Variants in CMPK1 observed in about 807,000 individuals in gnomAD.
The protein encoded by CMPK1 is UMP-CMP kinase.
A neutral mutation model predicts 25.7 loss-of-function variants in CMPK1; 10 were observed. That is an observed-to-expected ratio of 0.39 (90% CI 0.24 to 0.66). The LOEUF (loss-of-function observed/expected upper bound fraction) is 0.66. Ranked by LOEUF, CMPK1 falls within the 30% of genes least tolerant of loss-of-function variation. The probability of loss-of-function intolerance (pLI) is 0.48; values close to 1 mark genes in which losing one functional copy is unlikely to be tolerated. For synonymous variants in CMPK1, 106 were observed against 101.5 expected (o/e 1.04, Z -0.27); for missense variants, 199 against 280.5 (o/e 0.71, Z 2.08).
At chr1:47,376,674 T>A in intron 5 of CMPK1, 30 bp from the exon 6 acceptor site, 1 of 1,484,654 alleles carries the variant, frequency 6.7e-7, no homozygotes. Flanking sequence ...TACCTGCTTT[T>A]AAAATTATTA....
chr1:47,338,541 CTCCCTCCCTCTCTCCT>C (rs1646416881), intron 1 of CMPK1, among the ~76,000 whole-genome samples: 6 of 132,386 alleles, frequency 4.5e-5, no homozygotes, highest in Non-Finnish European at 8.1e-5. Flanking sequence ...CTCTCCTTCC[CTCCCTCCCTCTCTCCT>C]TCCCTCCCTC....
chr1:47,343,153 A>G (rs1646454337), intron 1 of CMPK1, among the ~76,000 whole-genome samples: 1 of 150,520 alleles, frequency 6.6e-6, no homozygotes, highest in South Asian at 2.1e-4. Flanking sequence ...CACCCAGTTA[A>G]TTTTTGTATT....
In CMPK1 at chr1:47,360,903, C is replaced by T. The variant is rs74851906; in HGVS notation, c.172-7566C>T. ...AGAGTCCCTGGCATAGATTGTGCTC[C>T]ATCTTTGAGGAGGAGATGGGCAGGT... On this transcript the variant is annotated intron_variant, in intron 1 of 5. Coordinates refer to ENST00000371873, the MANE Select transcript of CMPK1 (RefSeq NM_016308.3). Among the ~76,000 whole-genome samples, 1,113 of 152,192 alleles carry T rather than the reference C, an allele frequency of 7.3e-3. 4 individuals carry two copies. Among genetic ancestry groups the T allele is most frequent in the East Asian group, 0.031 (158 of 5,178 alleles).
intron 3 of CMPK1, among the ~76,000 whole-genome samples, chr1:47,374,331 G>A (rs1459080050): frequency 2.0e-5 from 3 of 152,144 alleles, no homozygotes; most frequent in Non-Finnish European, 4.4e-5. Flanking sequence ...TGTTGGAATT[G>A]CAGGCCTGAG....
At chr1:47,335,490 A>C (rs1203262192) in intron 1 of CMPK1, among the ~76,000 whole-genome samples, 1 of 151,954 alleles carries the variant, frequency 6.6e-6, no homozygotes, top group African/African-American at 2.4e-5. Flanking sequence ...TACAAAAATT[A>C]GCCTGGCGTG....
chr1:47,369,028 G>A (rs1183643919), intron 2 of CMPK1, among the ~76,000 whole-genome samples: 2 of 152,088 alleles, frequency 1.3e-5, no homozygotes, highest in Non-Finnish European at 2.9e-5. Context: ...TTTGTTTTGA[G>A]ACAGTGTCTT....
At chr1:47,346,048 T>C (rs1373538589) in intron 1 of CMPK1, among the ~76,000 whole-genome samples, 1 of 151,098 alleles carries the variant, frequency 6.6e-6, no homozygotes, top group Non-Finnish European at 1.5e-5. Context: ...CTGGCCTTTT[T>C]TTTGTTTTGT....
chr1:47,335,728 AT>A (rs1221803943), intron 1 of CMPK1, among the ~76,000 whole-genome samples: 8 of 150,698 alleles, frequency 5.3e-5, no homozygotes, highest in Non-Finnish European at 8.9e-5. Flanking sequence ...TCTTAAAAAA[AT>A]TTTTTTTTGT....
chr1:47,342,328 C>T (rs929060202), intron 1 of CMPK1, among the ~76,000 whole-genome samples: 8 of 151,362 alleles, frequency 5.3e-5, no homozygotes, highest in South Asian at 2.1e-4. Context: ...GTGATCTGCC[C>T]GCCTCGGCCT....
chr1:47,349,713 GAA>G (rs1343049110), intron 1 of CMPK1, among the ~76,000 whole-genome samples: 2 of 152,140 alleles, frequency 1.3e-5, no homozygotes, highest in Admixed American at 1.3e-4. Context: ...AAAATTTTAA[GAA>G]ATGTGCTATT....
chr1:47,340,879 C>T (rs552046280), intron 1 of CMPK1, among the ~76,000 whole-genome samples: 11 of 152,198 alleles, frequency 7.2e-5, no homozygotes, highest in Non-Finnish European at 1.0e-4. Flanking sequence ...TCAGGTGATC[C>T]GCCCGCCTCA....
chr1:47,360,208 G>A (rs2149331190), intron 1 of CMPK1, among the ~76,000 whole-genome samples: 1 of 152,236 alleles, frequency 6.6e-6, no homozygotes, highest in African/African-American at 2.4e-5. Flanking sequence ...TCTAAGCCTG[G>A]TCTCCATCTT....
intron 1 of CMPK1, among the ~76,000 whole-genome samples, chr1:47,350,243 G>A (rs1195891393): frequency 6.7e-6 from 1 of 149,804 alleles, no homozygotes; most frequent in Non-Finnish European, 1.5e-5. Flanking sequence ...TCCACCTACT[G>A]TTTTTTTTTC....
chr1:47,340,799 G>A (rs1018577688), intron 1 of CMPK1, among the ~76,000 whole-genome samples: 10 of 152,036 alleles, frequency 6.6e-5, no homozygotes, highest in Non-Finnish European at 1.2e-4. Context: ...CACCATGCCC[G>A]GCTAATTTTG....
At chr1:47,362,546 G>A (rs895552279) in intron 1 of CMPK1, among the ~76,000 whole-genome samples, 4 of 151,352 alleles carry the variant, frequency 2.6e-5, no homozygotes, top group Non-Finnish European at 4.4e-5. Context: ...TCCGCCTCCC[G>A]GGTTCAAGCA....
chr1:47,370,144 C>G (rs1252853061), intron 2 of CMPK1, among the ~76,000 whole-genome samples: 1 of 150,720 alleles, frequency 6.6e-6, no homozygotes, highest in Non-Finnish European at 1.5e-5. Context: ...GTCTCCATCT[C>G]CTGACCTCAC....
chr1:47,363,719 C>A (rs114743198), intron 1 of CMPK1, among the ~76,000 whole-genome samples: 1 of 151,802 alleles, frequency 6.6e-6, no homozygotes, highest in Non-Finnish European at 1.5e-5. Flanking sequence ...CCGAGGCTGA[C>A]GGATCATGAG....
chr1:47,348,020 G>A (rs1018424833), intron 1 of CMPK1, among the ~76,000 whole-genome samples: 4 of 152,118 alleles, frequency 2.6e-5, no homozygotes, highest in Non-Finnish European at 5.9e-5. Flanking sequence ...TAAACCCAGG[G>A]CACTATTGTG....
intron 3 of CMPK1, among the ~76,000 whole-genome samples, chr1:47,373,697 G>A (rs1394961004): frequency 1.3e-5 from 2 of 152,052 alleles, no homozygotes; most frequent in African/African-American, 4.8e-5. Context: ...TTGGGAGGCT[G>A]AGGCAGGAGA....
Sources: gnomAD v4.1 joint callset for allele counts (sites outside exome capture counted in the v4.1 genomes callset) on GRCh38, gnomAD v4.1.1 for gene constraint, MANE v1.5 for transcripts, NCBI Gene and HGNC (gene_info 2026-07-23, HGNC 2026-07-21) for gene names.